Variants in MAGI2 observed in about 807,000 individuals in gnomAD.
MAGI2 encodes the protein membrane associated guanylate kinase, WW and PDZ domain containing 2.
A neutral mutation model predicts 133.3 loss-of-function variants in MAGI2; 35 were observed. That is an observed-to-expected ratio of 0.26 (90% CI 0.20 to 0.35). MAGI2 has a LOEUF of 0.35. Among genes scored for constraint, MAGI2 ranks in the 10% least tolerant of loss-of-function variants. The probability of loss-of-function intolerance (pLI) is 1.00; values close to 1 mark genes in which losing one functional copy is unlikely to be tolerated. For synonymous variants in MAGI2, 729 were observed against 710.6 expected (o/e 1.03, Z -0.41); for missense variants, 1,636 against 1,863.4 (o/e 0.88, Z 2.25).
chr7:78,859,063 T>C (rs1445048530), intron 2 of MAGI2, among the ~76,000 whole-genome samples: 2 of 151,780 alleles, frequency 1.3e-5, no homozygotes, highest in Non-Finnish European at 2.9e-5. Context: ...TTGCAACCCC[T>C]GCTTTTTTTT....
At chr7:78,467,932 A>T (rs970713760) in intron 6 of MAGI2, among the ~76,000 whole-genome samples, 2 of 152,170 alleles carry the variant, frequency 1.3e-5, no homozygotes, top group African/African-American at 4.8e-5. Flanking sequence ...ATATCTCTAG[A>T]ATACTATATG....
In MAGI2 at chr7:78,486,455, G is replaced by A. The variant is rs146130345; in HGVS notation, c.1045+3306C>T. The A allele has an allele frequency of 1.6e-3, 270 of 168,054 alleles. 1 individual carries two copies. Among genetic ancestry groups the A allele is most frequent in the African/African-American group, 6.1e-3 (256 of 41,920 alleles). 10.4% of individuals were successfully genotyped at this position (168,054 alleles called of 1,614,324 possible). ...GGCTAAGAACAGTTTACACATTTTC[G>A]AGTAGTTGAGGAAAAATCAAAAGAA... On this transcript the variant is annotated intron_variant, in intron 6 of 21. Transcript: ENST00000354212.
At chr7:79,191,066 G>GT (rs757039802) in intron 1 of MAGI2, among the ~76,000 whole-genome samples, 23 of 151,678 alleles carry the variant, frequency 1.5e-4, no homozygotes, top group Non-Finnish European at 2.8e-4. Context: ...ACTCTGTTTT[G>GT]AGTTTTGTAG....
At chr7:79,349,504 A>T (rs1009760299) in intron 1 of MAGI2, among the ~76,000 whole-genome samples, 3 of 151,810 alleles carry the variant, frequency 2.0e-5, no homozygotes, top group Non-Finnish European at 4.4e-5. Flanking sequence ...CTATGTGCCA[A>T]ATTCTGATTA....
At chr7:78,067,261 A>G (rs891527889) in intron 21 of MAGI2, among the ~76,000 whole-genome samples, 1 of 152,372 alleles carries the variant, frequency 6.6e-6, no homozygotes, top group African/African-American at 2.4e-5. Context: ...GGTTTTAAAC[A>G]TGGCCTTTAC....
intron 21 of MAGI2, among the ~76,000 whole-genome samples, chr7:78,020,458 C>T (rs1808274238): frequency 6.6e-6 from 1 of 152,118 alleles, no homozygotes; most frequent in African/African-American, 2.4e-5. Flanking sequence ...TTTTATCAGG[C>T]ACCCATTCTG....
intron 4 of MAGI2, among the ~76,000 whole-genome samples, chr7:78,508,801 G>C (rs1439267975): frequency 6.6e-6 from 1 of 152,008 alleles, no homozygotes; most frequent in Non-Finnish European, 1.5e-5. Context: ...AGCTATATTT[G>C]ATTAGGAAGT....
chr7:78,603,679 A>G (rs1239574410), intron 3 of MAGI2, among the ~76,000 whole-genome samples: 2 of 152,134 alleles, frequency 1.3e-5, no homozygotes, highest in South Asian at 4.2e-4. Flanking sequence ...ATGCCACCAC[A>G]CCAGGCTAAT....
intron 1 of MAGI2, among the ~76,000 whole-genome samples, chr7:79,423,493 C>A (rs1169173434): frequency 6.6e-6 from 1 of 152,020 alleles, no homozygotes; most frequent in East Asian, 1.9e-4. Context: ...CCCTCTACTA[C>A]TATGTCCTAG....
At chr7:78,058,502 C>T (rs531114868) in intron 21 of MAGI2, among the ~76,000 whole-genome samples, 4 of 142,402 alleles carry the variant, frequency 2.8e-5, no homozygotes, top group Non-Finnish European at 6.0e-5. Context: ...GACGGAGTTT[C>T]GCTTTGTTGC....
At chr7:79,430,848 G>A (rs982435246) in intron 1 of MAGI2, among the ~76,000 whole-genome samples, 1 of 152,292 alleles carries the variant, frequency 6.6e-6, no homozygotes, top group African/African-American at 2.4e-5. Context: ...ATGCCATAGT[G>A]TTAAACTGTG....
chr7:78,712,316 G>A (rs897561311), intron 2 of MAGI2, among the ~76,000 whole-genome samples: 17 of 152,258 alleles, frequency 1.1e-4, no homozygotes, highest in African/African-American at 3.9e-4. Flanking sequence ...GGCACTCTGA[G>A]GAAGCCACAG....
intron 20 of MAGI2, among the ~76,000 whole-genome samples, chr7:78,085,952 G>A (rs1040333709): frequency 6.6e-6 from 1 of 152,168 alleles, no homozygotes; most frequent in African/African-American, 2.4e-5. Flanking sequence ...CGGGGAGCTG[G>A]CTTTAGCAAA....
At position 78,019,879 on chromosome 7, in the gene MAGI2, T is replaced by A. The variant is rs145253464; in HGVS notation, c.3804A>T (p.Ser1268=). 506 of 1,612,788 alleles carry A rather than the reference T, an allele frequency of 3.1e-4. 2 individuals are homozygous for A. Among genetic ancestry groups the A allele is most frequent in the Non-Finnish European group, 8.0e-5 (94 of 1,179,608 alleles). The change falls in exon 22 of 22, where the codon TCA becomes TCT. Residue 1268 remains serine (S), a synonymous_variant. Transcript: ENST00000354212. ...LDDGLAPFSP[S]HPAPPSDPSH... ...AAGGGTCGGAGGGTGGGGCTGGATGTGATGGAGAGAATGGAGCGAGGCCGT... is the reference window on the plus strand; with the variant it reads ...AAGGGTCGGAGGGTGGGGCTGGATGAGATGGAGAGAATGGAGCGAGGCCGT...
chr7:78,783,807 C>T (rs748577326), intron 2 of MAGI2, among the ~76,000 whole-genome samples: 73 of 152,164 alleles, frequency 4.8e-4, no homozygotes, highest in Non-Finnish European at 8.8e-4. Flanking sequence ...AGCAAAATAA[C>T]TACTGTAGTG....
chr7:79,057,810 A>G (rs1813292796), intron 1 of MAGI2, among the ~76,000 whole-genome samples: 1 of 152,112 alleles, frequency 6.6e-6, no homozygotes, highest in Non-Finnish European at 1.5e-5. Flanking sequence ...TGAGAAGGAG[A>G]CACTTCCATA....
Position 79,036,842 on chromosome 7 carries a change from C to A in MAGI2, c.302-29636G>T, listed in dbSNP as rs148385655. ...GAGGTAAATTTTAACATTGGTGAATCCCCCTCAAAAACTCAGATCTATTGA... is the reference window on the plus strand; with the variant it reads ...GAGGTAAATTTTAACATTGGTGAATACCCCTCAAAAACTCAGATCTATTGA... On this transcript the variant is annotated intron_variant, in intron 1 of 21. Transcript: ENST00000354212. 6.7e-3 allele frequency among the ~76,000 whole-genome samples: 1,019 copies of A among 152,228 alleles called. 3 individuals carry two copies. The highest frequency in any genetic ancestry group is 0.01 in the Middle Eastern group (3 of 294).
intron 1 of MAGI2, among the ~76,000 whole-genome samples, chr7:79,132,195 A>G (rs1262094362): frequency 6.6e-6 from 1 of 152,130 alleles, no homozygotes; most frequent in Non-Finnish European, 1.5e-5. Context: ...TTTATCATAC[A>G]TGGGTGAATT....
intron 2 of MAGI2, among the ~76,000 whole-genome samples, chr7:78,833,063 G>A (rs1014131913): frequency 6.6e-5 from 10 of 152,136 alleles, no homozygotes; most frequent in Admixed American, 1.3e-4. Flanking sequence ...TGGTCTAACC[G>A]GTTGTCTAGC....
Sources: gnomAD v4.1 joint callset for allele counts (sites outside exome capture counted in the v4.1 genomes callset) on GRCh38, gnomAD v4.1.1 for gene constraint, MANE v1.5 for transcripts, NCBI Gene and HGNC (gene_info 2026-07-23, HGNC 2026-07-21) for gene names.